Variants in SRBD1 observed in about 807,000 individuals in gnomAD.
The protein encoded by SRBD1 is S1 RNA-binding domain-containing protein 1.
A neutral mutation model predicts 115.3 loss-of-function variants in SRBD1; 88 were observed. The observed-to-expected ratio is 0.76, with a 90% confidence interval of 0.64 to 0.91. The LOEUF (loss-of-function observed/expected upper bound fraction) is 0.91. SRBD1 is among the 40% of genes least tolerant of loss of function. SRBD1 has a pLI of 0.00. For missense variants in SRBD1, 1,385 were observed against 1,177.4 expected, an observed-to-expected ratio of 1.18 and a Z score of -2.58; for synonymous variants, 509 against 407.7, an observed-to-expected ratio of 1.25 and a Z score of -2.99.
intron 16 of SRBD1, among the ~76,000 whole-genome samples, chr2:45,437,594 G>A (rs372199163): frequency 6.6e-6 from 1 of 152,168 alleles, no homozygotes; most frequent in Non-Finnish European, 1.5e-5. Context: ...CAGACATGGT[G>A]GTACATGTTG....
intron 4 of SRBD1, among the ~76,000 whole-genome samples, chr2:45,587,815 C>T (rs990766834): frequency 4.6e-5 from 7 of 152,202 alleles, no homozygotes; most frequent in Admixed American, 3.9e-4. Flanking sequence ...ATTTAGCTAA[C>T]TATTTTGACA....
intron 14 of SRBD1, among the ~76,000 whole-genome samples, chr2:45,543,123 C>T (rs138710958): frequency 1.8e-4 from 27 of 152,300 alleles, no homozygotes; most frequent in African/African-American, 6.3e-4. Context: ...ACATTTTCAA[C>T]TTTCATTTTT....
rs1179215149 is a variant in SRBD1 at position 45,599,714 on chromosome 2, C to T, written c.383G>A (p.Arg128Gln). Residue 128 changes from arginine (R) to glutamine (Q), a missense_variant, in exon 4 of 21, where the codon CGA (arginine) becomes CAA (glutamine). Transcript: ENST00000263736. ...QKCAAQPHTVRRTKKLKVEEE... is the reference protein window; with the variant it reads ...QKCAAQPHTVQRTKKLKVEEE... ...TTCAACTTTCAGCTTTTTAGTCCTT[C>T]GAACTGTATGTGGCTGCGCTGCACA... The T allele has an allele frequency of 6.2e-6, 10 of 1,614,050 alleles. No individual in the cohort carries two copies. The highest frequency in any genetic ancestry group is 4.4e-5 in the South Asian group (4 of 91,086).
At chr2:45,599,396 T>C in intron 4 of SRBD1, 53 bp downstream of exon 4, 1 of 1,569,664 alleles carries the variant, frequency 6.4e-7, no homozygotes, top group Non-Finnish European at 8.6e-7. Context: ...CCTATGCTAG[T>C]CAAAAAGAAA....
intron 5 of SRBD1, among the ~76,000 whole-genome samples, chr2:45,583,827 G>C (rs904572082): frequency 1.3e-5 from 2 of 151,956 alleles, no homozygotes; most frequent in African/African-American, 4.8e-5. Context: ...CTTACTTCAA[G>C]GAATATTCAC....
At chr2:45,453,279 A>G (rs1295674275) in intron 16 of SRBD1, among the ~76,000 whole-genome samples, 5 of 151,148 alleles carry the variant, frequency 3.3e-5, no homozygotes, top group Non-Finnish European at 5.9e-5. Context: ...AAAAAAAAAA[A>G]AAAGAAAGAA....
At chr2:45,500,682 C>T (rs2103892067) in intron 14 of SRBD1, among the ~76,000 whole-genome samples, 1 of 152,244 alleles carries the variant, frequency 6.6e-6, no homozygotes, top group East Asian at 1.9e-4. Flanking sequence ...TCCCAAAGTG[C>T]TGGGATTACA....
At position 45,413,256 on chromosome 2, in the gene SRBD1, C is replaced by CA; in HGVS notation, c.2370dup (p.Ala791CysfsTer9). 1 of 1,613,988 alleles carries CA rather than the reference C, an allele frequency of 6.2e-7. No homozygotes were observed. Among genetic ancestry groups the CA allele is most frequent in the Non-Finnish European group, 8.5e-7 (1 of 1,179,958 alleles). ...TCAACGTCTGCTGAAGATGTCACAG[C>CA]AACTCCTTGAATTTGGCCTGAAGTT... On this transcript the variant is annotated frameshift_variant, in exon 19 of 21. Transcript: ENST00000263736. LOFTEE classifies it high-confidence loss of function.
intron 1 of SRBD1, 66 bp from the exon 2 acceptor site, chr2:45,605,507 T>G: frequency 2.1e-6 from 3 of 1,397,250 alleles, no homozygotes; most frequent in Non-Finnish European, 3.0e-6. Context: ...TGGCTACAAG[T>G]AATGGGTCAT....
chr2:45,554,936 A>T (rs189879857), intron 10 of SRBD1, among the ~76,000 whole-genome samples: 81 of 152,286 alleles, frequency 5.3e-4, no homozygotes, highest in Non-Finnish European at 3.4e-4. Flanking sequence ...CCTGTGTACC[A>T]ATGAAACTAC....
At chr2:45,593,073 G>C (rs1032158427) in intron 4 of SRBD1, among the ~76,000 whole-genome samples, 3 of 152,138 alleles carry the variant, frequency 2.0e-5, no homozygotes, top group African/African-American at 7.2e-5. Flanking sequence ...TGGCAGATAG[G>C]AATGAGAGTA....
chr2:45,508,934 GAA>G (rs1408219664), intron 14 of SRBD1, among the ~76,000 whole-genome samples: 2 of 152,084 alleles, frequency 1.3e-5, no homozygotes, highest in African/African-American at 2.4e-5. Flanking sequence ...AAAAGGAAGA[GAA>G]AGAAAAAAAG....
chr2:45,574,157 C>G (rs1673105169), intron 8 of SRBD1, among the ~76,000 whole-genome samples: 1 of 152,080 alleles, frequency 6.6e-6, no homozygotes, highest in Non-Finnish European at 1.5e-5. Flanking sequence ...CTGCTCTCCT[C>G]AACAGCTAAA....
intron 9 of SRBD1, among the ~76,000 whole-genome samples, chr2:45,571,527 A>AAAAAAAAAAAC (rs1673013911): frequency 6.7e-6 from 1 of 148,834 alleles, no homozygotes; most frequent in African/African-American, 2.5e-5. Flanking sequence ...CAAAAAAAAA[A>AAAAAAAAAAAC]AAAAAAAAAA....
intron 14 of SRBD1, among the ~76,000 whole-genome samples, chr2:45,500,422 T>A (rs1215048621): frequency 1.3e-5 from 2 of 148,480 alleles, no homozygotes; most frequent in Non-Finnish European, 3.0e-5. Flanking sequence ...ATATAAACAA[T>A]ATTGATTTTT....
chr2:45,477,704 T>C (rs1247506665), intron 15 of SRBD1, among the ~76,000 whole-genome samples: 2 of 152,172 alleles, frequency 1.3e-5, no homozygotes, highest in Admixed American at 6.6e-5. Context: ...CATGAGCTAC[T>C]GCGCCCAGCA....
chr2:45,431,143 T>C (rs1013434770), intron 16 of SRBD1, among the ~76,000 whole-genome samples: 22 of 152,178 alleles, frequency 1.4e-4, no homozygotes, highest in Admixed American at 1.3e-4. Flanking sequence ...AAACAACAGA[T>C]GCTGGAGAGG....
intron 14 of SRBD1, among the ~76,000 whole-genome samples, chr2:45,536,483 C>G (rs929332654): frequency 2.6e-5 from 4 of 151,964 alleles, no homozygotes; most frequent in African/African-American, 9.7e-5. Flanking sequence ...AATTTTGTTA[C>G]AAAGAGTGCA....
At chr2:45,562,944 CT>C (rs986942657) in intron 9 of SRBD1, among the ~76,000 whole-genome samples, 188 bp from the exon 10 acceptor site, 36 of 152,250 alleles carry the variant, frequency 2.4e-4, no homozygotes, top group African/African-American at 8.7e-4. Flanking sequence ...CTAACATGCT[CT>C]TAGAAAATAA....
Sources: allele counts gnomAD v4.1 joint callset (sites outside exome capture counted in the v4.1 genomes callset), GRCh38; gene constraint gnomAD v4.1.1; transcripts MANE v1.5; gene names NCBI Gene and HGNC (gene_info 2026-07-23, HGNC 2026-07-21).